CDH8: variants seen among roughly 807,000 people sequenced by gnomAD.
The protein encoded by CDH8 is cadherin 8.
CDH8 carries 17 observed loss-of-function variants against 68.1 expected under a neutral mutation model. The ratio of observed to expected loss-of-function variants is 0.25; its 90% CI spans 0.17 to 0.37. The LOEUF (loss-of-function observed/expected upper bound fraction) is 0.37, where lower values mean the gene tolerates loss of function less well. Ranked by LOEUF, CDH8 falls within the 10% of genes least tolerant of loss-of-function variation. The pLI, the probability that CDH8 is intolerant of heterozygous loss-of-function variation, is 1.00. For synonymous variants in CDH8, 372 were observed against 365.1 expected (o/e 1.02, Z -0.21); for missense variants, 763 against 999.3 (o/e 0.76, Z 3.19).
At chr16:61,822,205 CTTTTTTTTTTTTTTTTTTT>C (rs71707137) in intron 5 of CDH8, among the ~76,000 whole-genome samples, 35 of 45,646 alleles carry the variant, frequency 7.7e-4, no homozygotes, top group East Asian at 3.2e-3. Context: ...AAAAACGCAC[CTTTTTTTTTTTTTTTTTTT>C]TTTTTTTTTT....
At chr16:61,767,506 T>G (rs1221388004) in intron 8 of CDH8, among the ~76,000 whole-genome samples, 9 of 151,876 alleles carry the variant, frequency 5.9e-5, no homozygotes, top group Non-Finnish European at 1.2e-4. Context: ...GAATAAAGAA[T>G]CAGTGTGCAA....
intron 2 of CDH8, among the ~76,000 whole-genome samples, chr16:62,011,272 G>A (rs1269195276): frequency 6.6e-6 from 1 of 152,146 alleles, no homozygotes; most frequent in Non-Finnish European, 1.5e-5. Flanking sequence ...AAAGGAAGTA[G>A]TCCATGGAAC....
chr16:61,654,565 GT>G (rs1963398661), intron 11 of CDH8, among the ~76,000 whole-genome samples: 1 of 152,066 alleles, frequency 6.6e-6, no homozygotes, highest in Admixed American at 6.6e-5. Context: ...ATTAAATTAT[GT>G]TCTTTTATAA....
chr16:61,760,926 G>A (rs1435824767), intron 8 of CDH8, among the ~76,000 whole-genome samples: 3 of 151,886 alleles, frequency 2.0e-5, no homozygotes, highest in Admixed American at 2.0e-4. Flanking sequence ...AAAAACAGAG[G>A]GAAGACATAA....
chr16:61,826,639 C>CT (rs11380217), intron 4 of CDH8, among the ~76,000 whole-genome samples: 8,498 of 145,964 alleles, frequency 0.058, 548 homozygotes, highest in East Asian at 0.23. Context: ...AGTTGTAATT[C>CT]TTTTTTTTTT....
chr16:61,686,584 G>A (rs952345214), intron 10 of CDH8, among the ~76,000 whole-genome samples: 3 of 151,868 alleles, frequency 2.0e-5, no homozygotes, highest in Admixed American at 2.0e-4. Context: ...TACCTACCCC[G>A]GGTCTGTCGC....
intron 8 of CDH8, among the ~76,000 whole-genome samples, chr16:61,774,384 T>C (rs956048598): frequency 4.7e-5 from 7 of 150,168 alleles, no homozygotes; most frequent in African/African-American, 1.7e-4. Flanking sequence ...GTGAACACAG[T>C]CAGTGCCCCA....
chr16:61,857,152 C>T lies in CDH8; in HGVS notation c.634G>A (p.Gly212Arg), dbSNP rs1157117011. 6.2e-7 allele frequency: 1 copy of T among 1,613,580 alleles called. No individual in the cohort carries two copies. The highest frequency in any genetic ancestry group is 1.1e-5 in the South Asian group (1 of 91,072). ...SAKLVYSILEGQPYFSIEPET... is the reference protein window; with the variant it reads ...SAKLVYSILERQPYFSIEPET... ...GGCTCAATGGAAAAATAAGGCTGCC[C>T]TTCCAATATACTATAAACCAACTTT... is the stretch of plus-strand genomic sequence containing the variant. Residue 212 changes from glycine (G) to arginine (R), a missense_variant, in exon 4 of 12, where the codon GGG becomes AGG. Gly to Arg is a moderately radical substitution (Grantham distance 125, BLOSUM62 -2). Transcript: ENST00000577390.
Position 61,768,383 on chromosome 16 carries a change from T to C in CDH8, c.1414+20963A>G, listed in dbSNP as rs5010224. Among the ~76,000 whole-genome samples, 71 of 100,850 alleles carry C rather than the reference T, an allele frequency of 7.0e-4. 1 individual carries two copies. The highest frequency in any genetic ancestry group is 5.2e-3 in the Middle Eastern group (1 of 192). 66.2% of individuals were successfully genotyped at this position (100,850 alleles called of 152,430 possible). On this transcript the variant is annotated intron_variant, in intron 8 of 11. Coordinates refer to ENST00000577390, the MANE Select transcript of CDH8 (RefSeq NM_001796.5). Reference sequence around the variant, plus strand: ...CTCTCTCTCTCCCTTTCTCTCTCTCTCTCTCTCTCTCCCTTTCTCTCTCTC... The same window carrying C: ...CTCTCTCTCTCCCTTTCTCTCTCTCCCTCTCTCTCTCCCTTTCTCTCTCTC...
chr16:62,008,683 G>C (rs1004433453), intron 2 of CDH8, among the ~76,000 whole-genome samples: 4 of 152,112 alleles, frequency 2.6e-5, no homozygotes, highest in Admixed American at 2.6e-4. Flanking sequence ...TGATAGGCTA[G>C]TTGGAATGTG....
intron 2 of CDH8, among the ~76,000 whole-genome samples, chr16:61,930,096 A>G (rs1207830133): frequency 3.3e-5 from 5 of 152,202 alleles, no homozygotes; most frequent in Admixed American, 2.0e-4. Flanking sequence ...TTGTAATCAC[A>G]GTAGTGATTA....
intron 4 of CDH8, among the ~76,000 whole-genome samples, chr16:61,836,057 T>C (rs1048234123): frequency 1.3e-5 from 2 of 151,988 alleles, no homozygotes. Flanking sequence ...TAATAGGTAC[T>C]CAAAACAAAT....
chr16:61,970,625 G>T (rs568073890), intron 2 of CDH8, among the ~76,000 whole-genome samples: 40 of 152,196 alleles, frequency 2.6e-4, no homozygotes, highest in Non-Finnish European at 4.3e-4. Context: ...GTGACCAAAT[G>T]CATGGGGGAT....
At chr16:61,807,280 C>T (rs1483413733) in intron 7 of CDH8, among the ~76,000 whole-genome samples, 1 of 136,024 alleles carries the variant, frequency 7.4e-6, no homozygotes, top group Admixed American at 8.4e-5. Flanking sequence ...AATGAGATCA[C>T]ATGGACACAG....
At chr16:61,788,092 A>T (rs1596968343) in intron 8 of CDH8, among the ~76,000 whole-genome samples, 2 of 152,026 alleles carry the variant, frequency 1.3e-5, no homozygotes, top group East Asian at 1.9e-4. Flanking sequence ...GTATAATAAA[A>T]AAAAAAAAAA....
intron 4 of CDH8, among the ~76,000 whole-genome samples, chr16:61,837,645 G>A (rs1004641837): frequency 1.3e-5 from 2 of 152,090 alleles, no homozygotes; most frequent in African/African-American, 4.8e-5. Flanking sequence ...TCACCACAAT[G>A]TATTGGCTTT....
intron 10 of CDH8, chr16:61,692,041 A>G (rs946273744): frequency 2.6e-5 from 4 of 152,128 alleles, no homozygotes; most frequent in Non-Finnish European, 5.9e-5. Context: ...ATAATTTATC[A>G]TCCAAATACT....
chr16:62,023,716 G>C (rs1444331944), intron 1 of CDH8, among the ~76,000 whole-genome samples: 2 of 152,178 alleles, frequency 1.3e-5, no homozygotes, highest in Non-Finnish European at 2.9e-5. Context: ...GGTGGAGGAT[G>C]AGGATGGTGC....
intron 10 of CDH8, among the ~76,000 whole-genome samples, chr16:61,671,226 C>G (rs1382068148): frequency 6.6e-6 from 1 of 152,020 alleles, no homozygotes; most frequent in Non-Finnish European, 1.5e-5. Context: ...CCCTGGGTAT[C>G]TGCATTTCAA....
Sources: allele counts gnomAD v4.1 joint callset (sites outside exome capture counted in the v4.1 genomes callset), GRCh38; gene constraint gnomAD v4.1.1; transcripts MANE v1.5; gene names NCBI Gene and HGNC (gene_info 2026-07-23, HGNC 2026-07-21).